Variants in DYM observed in about 807,000 individuals in gnomAD.
DYM encodes the protein dymeclin.
Under a neutral mutation model 93.1 loss-of-function variants are expected in DYM, and 78 were observed. That is an observed-to-expected ratio of 0.84 (90% CI 0.70 to 1.01). DYM has a LOEUF of 1.01. Ranked by LOEUF, DYM falls within the 50% of genes least tolerant of loss-of-function variation. DYM has a pLI of 0.00. For missense variants in DYM, 789 were observed against 845.0 expected (o/e 0.93, Z 0.82); for synonymous variants, 321 against 319.7 (o/e 1.00, Z -0.04).
chr18:49,127,920 G>A (rs537566239), intron 15 of DYM, among the ~76,000 whole-genome samples: 637 of 152,272 alleles, frequency 4.2e-3, no homozygotes, highest in Non-Finnish European at 6.6e-3. Flanking sequence ...AGCAGTCACC[G>A]CACCACTGGT....
intron 15 of DYM, among the ~76,000 whole-genome samples, chr18:49,148,193 T>C (rs1284257906): frequency 1.3e-5 from 2 of 152,032 alleles, no homozygotes; most frequent in East Asian, 3.9e-4. Context: ...GGGCCTGTTG[T>C]TGGGTGGGAG....
chr18:49,272,939 A>G (rs2094746553), intron 10 of DYM, among the ~76,000 whole-genome samples: 1 of 152,100 alleles, frequency 6.6e-6, no homozygotes, highest in Admixed American at 6.6e-5. Flanking sequence ...TTTATTAAAG[A>G]TGGGCAGACT....
chr18:49,370,660 G>A (rs1279920840), intron 5 of DYM, among the ~76,000 whole-genome samples: 1 of 152,116 alleles, frequency 6.6e-6, no homozygotes, highest in African/African-American at 2.4e-5. Context: ...CCAGCTACTC[G>A]GGAGGCTAAG....
intron 1 of DYM, among the ~76,000 whole-genome samples, chr18:49,446,190 G>C (rs2082080168): frequency 6.6e-6 from 1 of 151,160 alleles, no homozygotes; most frequent in Non-Finnish European, 1.5e-5. Context: ...GGGAGGCCCA[G>C]GCAGGAGGAC....
At position 49,041,701 on chromosome 18, in the gene DYM, G is replaced by C. The variant is rs1362986616; in HGVS notation, c.*2354C>G. The C allele has an allele frequency of 6.6e-6, 1 of 152,268 alleles. No homozygotes were observed. The highest frequency in any genetic ancestry group is 2.4e-5 in the African/African-American group (1 of 41,452). The allele number at this position is 152,268 out of a possible 1,614,324, so 9.4% of individuals were successfully genotyped here. A position where few individuals can be genotyped will look rare whatever the true frequency, so the allele number is the denominator to read the frequency against. ...CTACTGTGTGATGAATGAGAAAAGGGAAAGAGGGGAGGGCAATCAGGGTTC... is the reference window on the plus strand; with the variant it reads ...CTACTGTGTGATGAATGAGAAAAGGCAAAGAGGGGAGGGCAATCAGGGTTC... On this transcript the variant is annotated 3_prime_UTR_variant, in exon 18 of 18. Coordinates refer to ENST00000675505, the MANE Select transcript of DYM (RefSeq NM_001353214.3).
intron 2 of DYM, among the ~76,000 whole-genome samples, chr18:49,419,283 T>C (rs1169473363): frequency 6.6e-6 from 1 of 151,964 alleles, no homozygotes; most frequent in Non-Finnish European, 1.5e-5. Context: ...TGCTTGAACC[T>C]GGGAGGCGGA....
At chr18:49,313,289 C>A (rs948919534) in intron 8 of DYM, among the ~76,000 whole-genome samples, 6 of 151,504 alleles carry the variant, frequency 4.0e-5, no homozygotes, top group African/African-American at 1.5e-4. Flanking sequence ...CATGGTGAAA[C>A]CCCATCTCTA....
chr18:49,458,674 C>T (rs1450418255), intron 1 of DYM, among the ~76,000 whole-genome samples: 1 of 151,966 alleles, frequency 6.6e-6, no homozygotes, highest in Non-Finnish European at 1.5e-5. Flanking sequence ...CCCGTCTCTA[C>T]TAAAAATACA....
Position 49,043,888 on chromosome 18 carries a change from C to T in DYM, c.*167G>A. On this transcript the variant is annotated 3_prime_UTR_variant, in exon 18 of 18. Coordinates refer to ENST00000675505, the MANE Select transcript of DYM (RefSeq NM_001353214.3). ...TCTACGCTGAGTTATCTATTGCCAA[C>T]TAGCACCAATTCTCCAAATCAAAGT... 1 of 792,378 alleles carries T rather than the reference C, an allele frequency of 1.3e-6. No homozygotes were observed. Among genetic ancestry groups the T allele is most frequent in the South Asian group, 1.7e-5 (1 of 59,028 alleles). The allele number at this position is 792,378 out of a possible 1,614,324, so 49.1% of individuals were successfully genotyped here. A position where few individuals can be genotyped will look rare whatever the true frequency, so the allele number is the denominator to read the frequency against.
intron 14 of DYM, among the ~76,000 whole-genome samples, chr18:49,177,665 T>C (rs2089528248): frequency 6.6e-6 from 1 of 152,144 alleles, no homozygotes; most frequent in Admixed American, 6.6e-5. Context: ...CTTTTGATCT[T>C]TGTGTACCTA....
chr18:49,374,957 C>CAAAAAAAAAA (rs11445191), intron 5 of DYM, among the ~76,000 whole-genome samples: 1 of 146,134 alleles, frequency 6.8e-6, no homozygotes. Context: ...GAAACTGTCT[C>CAAAAAAAAAA]AAAAAAAAAA....
At chr18:49,439,689 A>C (rs778419980) in intron 1 of DYM, among the ~76,000 whole-genome samples, 7 of 152,206 alleles carry the variant, frequency 4.6e-5, no homozygotes, top group Non-Finnish European at 1.0e-4. Flanking sequence ...TTTACCCATC[A>C]AACTAGTAAA....
chr18:49,451,474 G>A (rs1039153060), intron 1 of DYM, among the ~76,000 whole-genome samples: 1 of 152,168 alleles, frequency 6.6e-6, no homozygotes, highest in Non-Finnish European at 1.5e-5. Flanking sequence ...GGTCAGTAAA[G>A]AATGTCACTT....
chr18:49,448,652 G>A (rs1488848246), intron 1 of DYM, among the ~76,000 whole-genome samples: 6 of 152,106 alleles, frequency 3.9e-5, no homozygotes, highest in Middle Eastern at 3.2e-3. Context: ...GAAAAAAGCA[G>A]GGGGGATGCC....
chr18:49,201,521 A>G (rs79833149), intron 14 of DYM, among the ~76,000 whole-genome samples: 1 of 152,154 alleles, frequency 6.6e-6, no homozygotes, highest in Non-Finnish European at 1.5e-5. Context: ...ATGGGCTACC[A>G]AAATCATACA....
chr18:49,370,298 AAC>A (rs1555713818), intron 5 of DYM, among the ~76,000 whole-genome samples: 21 of 148,372 alleles, frequency 1.4e-4, no homozygotes, highest in African/African-American at 4.7e-4. Context: ...AAAAAAAAAA[AAC>A]AAAACAGGAC....
chr18:49,286,468 G>A lies in DYM; in HGVS notation c.912C>T (p.Tyr304=). ...TCTTGAAGGACATAATGGCTTGTCT[G>A]TAGGGGTTTGGCGCATCTGAGGCAT... ...LTDASDAPNP[Y]RQAIMSFKNT... is the part of the protein sequence containing the mutation. The change falls in exon 9 of 18, where the codon TAC becomes TAT. Residue 304 remains tyrosine (Y), a synonymous_variant. Transcript: ENST00000675505. 6.2e-7 allele frequency: 1 copy of A among 1,614,160 alleles called. No homozygotes were observed.
intron 11 of DYM, among the ~76,000 whole-genome samples, chr18:49,260,023 T>C (rs1370418996): frequency 1.3e-5 from 2 of 152,192 alleles, no homozygotes; most frequent in Non-Finnish European, 2.9e-5. Flanking sequence ...TCTAGTGAGA[T>C]TTGACAGAAT....
chr18:49,386,368 G>C (rs1267183409), intron 3 of DYM, among the ~76,000 whole-genome samples: 1 of 152,140 alleles, frequency 6.6e-6, no homozygotes, highest in Non-Finnish European at 1.5e-5. Flanking sequence ...GAAGAAACTT[G>C]ATAAATAGTA....
Sources: gnomAD v4.1 joint callset for allele counts (sites outside exome capture counted in the v4.1 genomes callset) on GRCh38, gnomAD v4.1.1 for gene constraint, MANE v1.5 for transcripts, NCBI Gene and HGNC (gene_info 2026-07-23, HGNC 2026-07-21) for gene names.